Variants in PRDM16 observed in about 807,000 individuals in gnomAD.
The protein encoded by PRDM16 is PR/SET domain 16, also known as histone-lysine N-methyltransferase PRDM16.
In PRDM16, 23 loss-of-function variants were observed where a neutral mutation model predicts 110.6. The observed-to-expected ratio is 0.21, with a 90% CI of 0.15 to 0.29. The LOEUF is 0.29. PRDM16 is among the 10% of genes least tolerant of loss of function. The pLI is 1.00. For missense variants in PRDM16, 1,615 were observed against 1,794.3 expected, an observed-to-expected ratio of 0.90 and a Z score of 1.81; for synonymous variants, 799 against 781.8, an observed-to-expected ratio of 1.02 and a Z score of -0.37.
At chr1:3,413,588 G>T (rs1643731331) in intron 9 of PRDM16, among the ~76,000 whole-genome samples, 3 of 152,202 alleles carry the variant, frequency 2.0e-5, no homozygotes. Flanking sequence ...CATGCAAGGA[G>T]ACAGGCAGGA....
chr1:3,176,051 C>T lies in PRDM16; in HGVS notation c.38-10074C>T, dbSNP rs867100070. Among the ~76,000 whole-genome samples the T allele has an allele frequency of 8.9e-3, 1,348 of 151,996 alleles. 15 individuals carry two copies. Among genetic ancestry groups the T allele is most frequent in the Middle Eastern group, 0.027 (8 of 294 alleles). On this transcript the variant is annotated intron_variant, in intron 1 of 16. Coordinates refer to ENST00000270722, the MANE Select transcript of PRDM16 (RefSeq NM_022114.4). ...TCTATCCACCCATCCATCCCCTCAT[C>T]CATCCATCCAACCATCCATCCATCC... is the stretch of plus-strand genomic sequence containing the variant.
chr1:3,401,370 T>C (rs1291551515), intron 5 of PRDM16, among the ~76,000 whole-genome samples: 2 of 152,148 alleles, frequency 1.3e-5, no homozygotes, highest in Non-Finnish European at 2.9e-5. Flanking sequence ...CAGACCAAGC[T>C]CATGAAGACT....
At chr1:3,122,368 G>A (rs531270875) in intron 1 of PRDM16, among the ~76,000 whole-genome samples, 68 of 152,094 alleles carry the variant, frequency 4.5e-4, no homozygotes, top group Non-Finnish European at 7.1e-4. Flanking sequence ...AGGAGCCCCC[G>A]GAATGGCAGA....
In PRDM16 at chr1:3,273,976, TAAAAAAAAAAAAAA is replaced by T. The variant is rs927412647; in HGVS notation, c.438+29849_438+29862del. Among the ~76,000 whole-genome samples, 383 of 68,542 alleles carry T rather than the reference TAAAAAAAAAAAAAA, an allele frequency of 5.6e-3. 3 individuals are homozygous for T. The highest frequency in any genetic ancestry group is 8.9e-3 in the Admixed American group (54 of 6,096). 45.0% of individuals were successfully genotyped at this position (68,542 alleles called of 152,430 possible). A position where few individuals can be genotyped will look rare whatever the true frequency, so the allele number is the denominator to read the frequency against. On this transcript the variant is annotated intron_variant, in intron 3 of 16. Coordinates refer to ENST00000270722, the MANE Select transcript of PRDM16 (RefSeq NM_022114.4). Reference sequence around the variant, plus strand: ...TCACCGTGGACTTGGTATGGGGAGGTAAAAAAAAAAAAAAAAAAAAAAAGCCACTGAAAGGGAAC... The same window carrying T: ...TCACCGTGGACTTGGTATGGGGAGGTAAAAAAAAAGCCACTGAAAGGGAAC...
At chr1:3,369,296 G>A (rs4648381) in intron 3 of PRDM16, among the ~76,000 whole-genome samples, 17,552 of 152,246 alleles carry the variant, frequency 0.12, 1,295 homozygotes, top group Middle Eastern at 0.23. Flanking sequence ...TCGTGCCCAC[G>A]GTTTGGGAAG....
chr1:3,238,760 C>T (rs1437374614), intron 2 of PRDM16, among the ~76,000 whole-genome samples: 1 of 152,212 alleles, frequency 6.6e-6, no homozygotes, highest in Non-Finnish European at 1.5e-5. Context: ...GGTGGAAGGG[C>T]CTGGCGTGTG....
At chr1:3,130,444 G>A (rs564609355) in intron 1 of PRDM16, among the ~76,000 whole-genome samples, 9 of 152,302 alleles carry the variant, frequency 5.9e-5, no homozygotes, top group African/African-American at 9.6e-5. Context: ...CCCTTCCTGC[G>A]GCCATGGGGC....
intron 3 of PRDM16, among the ~76,000 whole-genome samples, chr1:3,264,086 C>T (rs1004363831): frequency 1.3e-5 from 2 of 152,228 alleles, no homozygotes; most frequent in South Asian, 2.1e-4. Context: ...AGGCTGTGAA[C>T]AGTCAGGCCC....
intron 1 of PRDM16, among the ~76,000 whole-genome samples, chr1:3,158,401 A>T (rs1028493404): frequency 2.6e-5 from 4 of 152,250 alleles, no homozygotes; most frequent in African/African-American, 7.2e-5. Context: ...TAAAATTTAA[A>T]TGTAATTAAA....
chr1:3,194,067 G>T (rs371108350), intron 2 of PRDM16, among the ~76,000 whole-genome samples: 4 of 152,242 alleles, frequency 2.6e-5, no homozygotes, highest in Non-Finnish European at 5.9e-5. Flanking sequence ...CTAGATAGGA[G>T]GAGTGGAGAG....
intron 3 of PRDM16, among the ~76,000 whole-genome samples, chr1:3,351,212 T>G (rs1570117767): frequency 1.3e-5 from 2 of 152,200 alleles, no homozygotes; most frequent in East Asian, 3.9e-4. Flanking sequence ...CCAGCTCTCA[T>G]CCCCACCAGG....
chr1:3,236,294 C>G (rs1335374222), intron 2 of PRDM16, among the ~76,000 whole-genome samples: 1 of 152,164 alleles, frequency 6.6e-6, no homozygotes, highest in East Asian at 1.9e-4. Context: ...CGGGGGGTGG[C>G]TTCCCAGGCC....
chr1:3,104,429 CA>C (rs1228440571), intron 1 of PRDM16, among the ~76,000 whole-genome samples: 1 of 152,220 alleles, frequency 6.6e-6, no homozygotes, highest in Non-Finnish European at 1.5e-5. Flanking sequence ...AGTGAACAGG[CA>C]GAGGCTGCCC....
At chr1:3,321,450 G>T (rs12042882) in intron 3 of PRDM16, among the ~76,000 whole-genome samples, 3,929 of 151,370 alleles carry the variant, frequency 0.026, 286 homozygotes, top group East Asian at 0.23. Context: ...GTTTGTGTTT[G>T]TGGGGGGCAC....
chr1:3,241,278 A>G (rs2500254), intron 2 of PRDM16, among the ~76,000 whole-genome samples: 43,273 of 152,208 alleles, frequency 0.28, 8,890 homozygotes, highest in African/African-American at 0.58. Context: ...TCTTCCGGGG[A>G]TGCAGGGCAG....
chr1:3,096,304 C>T (rs965709788), intron 1 of PRDM16, among the ~76,000 whole-genome samples: 1 of 152,174 alleles, frequency 6.6e-6, no homozygotes, highest in East Asian at 1.9e-4. Context: ...GTCCTGTCCT[C>T]TCTAGCCCCA....
At chr1:3,320,546 G>A (rs1028610349) in intron 3 of PRDM16, among the ~76,000 whole-genome samples, 7 of 152,156 alleles carry the variant, frequency 4.6e-5, no homozygotes, top group African/African-American at 7.2e-5. Flanking sequence ...TGTTATTATC[G>A]TCTCAGGGCA....
At position 3,206,452 on chromosome 1, in the gene PRDM16, C is replaced by T. The variant is rs1243098257; in HGVS notation, c.387+19978C>T. 2.6e-5 allele frequency: 4 copies of T among 152,172 alleles called. No homozygotes were observed. The highest frequency in any genetic ancestry group is 4.8e-5 in the African/African-American group (2 of 41,442). The allele number at this position is 152,172 out of a possible 1,614,324, so 9.4% of individuals were successfully genotyped here. A position where few individuals can be genotyped will look rare whatever the true frequency, so the allele number is the denominator to read the frequency against. On this transcript the variant is annotated intron_variant, in intron 2 of 16. Transcript: ENST00000270722. This position sits in a 1 kb window ranked among gnomAD's most constrained non-coding sequence, Gnocchi z 4.9. ...AGACGGGAAGTGATTGGAGTGTAGG[C>T]GTGAGGTCCCGGTGCTGGATAGACG...
intron 2 of PRDM16, among the ~76,000 whole-genome samples, chr1:3,238,969 TGAG>T (rs1400112420): frequency 6.6e-6 from 1 of 152,158 alleles, no homozygotes; most frequent in Non-Finnish European, 1.5e-5. Context: ...CATGTGGTTG[TGAG>T]GAGGAGGTCC....
Sources: allele counts gnomAD v4.1 joint callset (sites outside exome capture counted in the v4.1 genomes callset), GRCh38; gene constraint gnomAD v4.1.1; non-coding constraint Gnocchi (gnomAD v3.1); transcripts MANE v1.5; gene names NCBI Gene and HGNC (gene_info 2026-07-23, HGNC 2026-07-21).